SEC63: variants seen among roughly 807,000 people sequenced by gnomAD.
The protein encoded by SEC63 is translocation protein SEC63 homolog.
A neutral mutation model predicts 116.2 loss-of-function variants in SEC63; 56 were observed. The ratio of observed to expected loss-of-function variants is 0.48; its 90% CI spans 0.39 to 0.60. The LOEUF is 0.60. SEC63 is among the 20% of genes least tolerant of loss of function. SEC63 has a pLI of 0.00. For missense variants in SEC63, 668 were observed against 900.0 expected (o/e 0.74, Z 3.30); for synonymous variants, 273 against 294.6 (o/e 0.93, Z 0.75).
chr6:107,927,576 TA>T (rs1787703610), intron 2 of SEC63, among the ~76,000 whole-genome samples: 1 of 152,200 alleles, frequency 6.6e-6, no homozygotes, highest in Non-Finnish European at 1.5e-5. Context: ...GTACTTTAAT[TA>T]AATCACTTTA....
chr6:107,898,933 C>A (rs1786930315), intron 13 of SEC63, among the ~76,000 whole-genome samples: 1 of 152,194 alleles, frequency 6.6e-6, no homozygotes, highest in Non-Finnish European at 1.5e-5. Flanking sequence ...TTACCCGCTA[C>A]AAGGTGCAGC....
In SEC63 at chr6:107,909,037, TA is replaced by T. The variant is rs775256459; in HGVS notation, c.625-3del. On this transcript the variant is annotated splice_region_variant and splice_polypyrimidine_tract_variant and intron_variant, in intron 7 of 20. Coordinates refer to ENST00000369002, the MANE Select transcript of SEC63 (RefSeq NM_007214.5). Reference sequence around the variant, plus strand: ...TATTGAGCGATACCACCAAGAGCCCTAAAACACAAAAAAAATTAAACAAGAA... The same window carrying T: ...TATTGAGCGATACCACCAAGAGCCCTAAACACAAAAAAAATTAAACAAGAA... 2 of 1,595,932 alleles carry T rather than the reference TA, an allele frequency of 1.3e-6. No homozygotes were observed. Among genetic ancestry groups the T allele is most frequent in the South Asian group, 2.2e-5 (2 of 90,620 alleles).
Position 107,880,798 on chromosome 6 carries a change from A to G in SEC63, c.1935+351T>C, listed in dbSNP as rs140823947. On this transcript the variant is annotated intron_variant, in intron 18 of 20. Coordinates refer to ENST00000369002, the MANE Select transcript of SEC63 (RefSeq NM_007214.5). ...AAAACTTGGCAGAGGTGAGAGATTC[A>G]TAATAGTTAAGTATTCAAAGGCAAA... 2.3e-3 allele frequency among the ~76,000 whole-genome samples: 356 copies of G among 152,344 alleles called. 6 individuals are homozygous for G. Among genetic ancestry groups the G allele is most frequent in the Admixed American group, 0.018 (271 of 15,298 alleles).
chr6:107,901,958 A>G (rs1228528556), intron 12 of SEC63, among the ~76,000 whole-genome samples: 1 of 152,098 alleles, frequency 6.6e-6, no homozygotes, highest in Non-Finnish European at 1.5e-5. Flanking sequence ...ACGCACCTTC[A>G]AAGTTTTACT....
At chr6:107,917,631 CA>C (rs1562328312) in intron 4 of SEC63, among the ~76,000 whole-genome samples, 1 of 152,130 alleles carries the variant, frequency 6.6e-6, no homozygotes, top group Non-Finnish European at 1.5e-5. Context: ...AGTGAACACA[CA>C]AATAATAAGA....
At chr6:107,901,663 C>T (rs1208481148) in intron 12 of SEC63, 146 bp from the exon 13 acceptor site, 4 of 565,694 alleles carry the variant, frequency 7.1e-6, no homozygotes, top group Middle Eastern at 4.7e-4. Context: ...TACAAAATAA[C>T]GATATGGCAT....
At chr6:107,918,791 T>C (rs909102814) in intron 4 of SEC63, among the ~76,000 whole-genome samples, 11 of 151,766 alleles carry the variant, frequency 7.2e-5, no homozygotes, top group African/African-American at 1.5e-4. Context: ...GTAAAGTAAA[T>C]TGAAAACCTT....
intron 1 of SEC63, among the ~76,000 whole-genome samples, chr6:107,942,703 A>G (rs1019800025): frequency 1.3e-5 from 2 of 152,208 alleles, no homozygotes; most frequent in African/African-American, 4.8e-5. Context: ...CTAATAGCCT[A>G]CCGTTGACTG....
chr6:107,958,033 C>T lies in SEC63; in HGVS notation c.-24G>A. On this transcript the variant is annotated 5_prime_UTR_variant, in exon 1 of 21. Coordinates refer to ENST00000369002, the MANE Select transcript of SEC63 (RefSeq NM_007214.5). ...ATGGCACCCCCTCCTCCGCCTCGCT[C>T]TTCTCACCGCCGCCGCCACGACCAC... is the stretch of plus-strand genomic sequence containing the variant. 6.2e-7 allele frequency: 1 copy of T among 1,612,440 alleles called. No homozygotes were observed. The highest frequency in any genetic ancestry group is 8.5e-7 in the Non-Finnish European group (1 of 1,179,150).
At chr6:107,888,735 T>C (rs1786600014) in intron 16 of SEC63, among the ~76,000 whole-genome samples, 1 of 152,180 alleles carries the variant, frequency 6.6e-6, no homozygotes, top group Non-Finnish European at 1.5e-5. Context: ...GGGTTTGTCA[T>C]AAATAGCTCT....
chr6:107,907,303 T>G (rs1200580899), intron 8 of SEC63, among the ~76,000 whole-genome samples: 2 of 152,132 alleles, frequency 1.3e-5, no homozygotes, highest in Non-Finnish European at 2.9e-5. Flanking sequence ...CAGTGGTGGC[T>G]CACGCCTGTA....
chr6:107,917,460 C>T (rs535966420), intron 4 of SEC63, among the ~76,000 whole-genome samples: 1 of 151,924 alleles, frequency 6.6e-6, no homozygotes, highest in South Asian at 2.1e-4. Flanking sequence ...AATGTTTAAA[C>T]GAAAAAAGAC....
chr6:107,909,236 G>A, intron 7 of SEC63: 1 of 461,248 alleles, frequency 2.2e-6, no homozygotes, highest in Non-Finnish European at 4.0e-6. Context: ...ACATTAGCTG[G>A]GCATGGTGGC....
rs1200919585 is a variant in SEC63 at position 107,870,859 on chromosome 6, C to T, written c.*845G>A. On this transcript the variant is annotated 3_prime_UTR_variant, in exon 21 of 21. Transcript: ENST00000369002. ...TGTTATACTTACTTTCCTTAAAAAG[C>T]TCCTGATAGAGTCAAGTAGACTGAA... 1.3e-5 allele frequency: 2 copies of T among 152,222 alleles called. No homozygotes were observed. Among genetic ancestry groups the T allele is most frequent in the Admixed American group, 6.5e-5 (1 of 15,276 alleles). The allele number at this position is 152,222 out of a possible 1,614,324, so 9.4% of individuals were successfully genotyped here.
intron 18 of SEC63, 128 bp downstream of exon 18, chr6:107,881,021 C>T (rs1786402631): frequency 1.4e-6 from 1 of 709,508 alleles, no homozygotes. Context: ...AAAAATATGG[C>T]CTCTCAGGAT....
intron 1 of SEC63, among the ~76,000 whole-genome samples, chr6:107,937,001 T>C (rs1470608230): frequency 2.0e-5 from 3 of 152,216 alleles, no homozygotes; most frequent in Non-Finnish European, 4.4e-5. Flanking sequence ...CATGCAGTAT[T>C]TGGTTTTCTG....
At chr6:107,899,649 T>G (rs2744226) in intron 13 of SEC63, among the ~76,000 whole-genome samples, 131,932 of 151,832 alleles carry the variant, frequency 0.87, 57,481 homozygotes, top group Middle Eastern at 0.92. Context: ...GAACCTAGAG[T>G]TGGAGGTTGC....
rs143644432 is a variant in SEC63 at position 107,886,701 on chromosome 6, ATTGTTTGT to A, written c.1675-3563_1675-3556del. The stretch of plus-strand genomic sequence containing the variant: ...TATACTTTGCCCACTTTTTGATGGA[ATTGTTTGT>A]TTTTTTCCTGTAAATCTGTTTATGT... On this transcript the variant is annotated intron_variant, in intron 16 of 20. Coordinates refer to ENST00000369002, the MANE Select transcript of SEC63 (RefSeq NM_007214.5). 1.2e-3 allele frequency among the ~76,000 whole-genome samples: 176 copies of A among 151,762 alleles called. 2 individuals carry two copies. Among genetic ancestry groups the A allele is most frequent in the African/African-American group, 4.1e-3 (170 of 41,402 alleles).
chr6:107,956,159 G>C (rs926496172), intron 1 of SEC63: 3 of 187,592 alleles, frequency 1.6e-5, no homozygotes, highest in Admixed American at 6.1e-5. Context: ...ATTAAAAAAT[G>C]ATGGCTAATT....
Sources: allele counts gnomAD v4.1 joint callset (sites outside exome capture counted in the v4.1 genomes callset), GRCh38; gene constraint gnomAD v4.1.1; transcripts MANE v1.5; gene names NCBI Gene and HGNC (gene_info 2026-07-23, HGNC 2026-07-21).